MAPKAPK2: variants seen among roughly 807,000 people sequenced by gnomAD.
The protein encoded by MAPKAPK2 is MAPK activated protein kinase 2.
A neutral mutation model predicts 48.8 loss-of-function variants in MAPKAPK2; 9 were observed. The observed-to-expected ratio is 0.18, with a 90% CI of 0.11 to 0.32. The LOEUF is 0.32. MAPKAPK2 is among the 10% of genes least tolerant of loss of function. The probability of loss-of-function intolerance (pLI) is 1.00; values close to 1 mark genes in which losing one functional copy is unlikely to be tolerated. For missense variants in MAPKAPK2, 331 were observed against 498.3 expected (o/e 0.66, Z 3.20); for synonymous variants, 202 against 190.6 (o/e 1.06, Z -0.49).
At position 206,732,358 on chromosome 1, in the gene MAPKAPK2, C is replaced by A; in HGVS notation, c.1060-217C>A. 1 of 1,445,616 alleles carries A rather than the reference C, an allele frequency of 6.9e-7. No homozygotes were observed. Among genetic ancestry groups the A allele is most frequent in the East Asian group, 2.5e-5 (1 of 40,228 alleles). 89.5% of individuals were successfully genotyped at this position (1,445,616 alleles called of 1,614,324 possible). On this transcript the variant is annotated intron_variant, in intron 9 of 9. Coordinates refer to ENST00000367103, the MANE Select transcript of MAPKAPK2 (RefSeq NM_032960.4). This position sits in a 1 kb window ranked among gnomAD's most constrained non-coding sequence, Gnocchi z 4.4. The stretch of plus-strand genomic sequence containing the variant: ...TCACTGGGGGGCTCTCAGGGAACAG[C>A]AGCAGTGCCATAGCCAGGCTCTCTG...
chr1:206,727,705 C>T (rs1673746443), intron 1 of MAPKAPK2, among the ~76,000 whole-genome samples: 1 of 152,082 alleles, frequency 6.6e-6, no homozygotes, highest in Non-Finnish European at 1.5e-5. Flanking sequence ...GCTGCAAGCT[C>T]CACCTCTCAG....
chr1:206,728,781 C>T lies in MAPKAPK2; in HGVS notation c.351C>T (p.Ile117=), dbSNP rs140239057. 100 of 1,614,000 alleles carry T rather than the reference C, an allele frequency of 6.2e-5. 1 individual carries two copies. The highest frequency in any genetic ancestry group is 1.0e-4 in the Admixed American group (6 of 60,002). ...GGCGGGCCTCCCAGTGCCCGCACAT[C>T]GTACGGATCGTGGATGTGTACGAGA... ...LHWRASQCPH[I]VRIVDVYENL... Residue 117 remains isoleucine, a synonymous_variant, in exon 2 of 10, where the codon ATC becomes ATT. Transcript: ENST00000367103.
At chr1:206,700,923 G>A (rs1304761853) in intron 1 of MAPKAPK2, among the ~76,000 whole-genome samples, 1 of 152,210 alleles carries the variant, frequency 6.6e-6, no homozygotes, top group Non-Finnish European at 1.5e-5. Context: ...AGGATGGGAT[G>A]ACAGCTGCTG....
At chr1:206,696,075 A>C in intron 1 of MAPKAPK2, 3 of 1,092,466 alleles carry the variant, frequency 2.7e-6, no homozygotes, top group African/African-American at 1.5e-5. Flanking sequence ...GATTCATCTC[A>C]CCTGCCTTCA....
In MAPKAPK2 at chr1:206,729,346, A is replaced by G. The variant is rs781968774; in HGVS notation, c.485-50A>G. 2.0e-6 allele frequency: 3 copies of G among 1,475,846 alleles called. No individual in the cohort carries two copies. The African/African-American group carries it at 4.2e-5, about 21-fold the overall frequency. The allele number at this position is 1,475,846 out of a possible 1,614,324, so 91.4% of individuals were successfully genotyped here. On this transcript the variant is annotated intron_variant, in intron 3 of 9. Coordinates refer to ENST00000367103, the MANE Select transcript of MAPKAPK2 (RefSeq NM_032960.4). Reference sequence around the variant, plus strand: ...GTGCACTGGGTTTTCAAGCCTAATGATGTGTCTTTGTGACTTTCTTTCCCA... The same window carrying G: ...GTGCACTGGGTTTTCAAGCCTAATGGTGTGTCTTTGTGACTTTCTTTCCCA...
intron 1 of MAPKAPK2, among the ~76,000 whole-genome samples, chr1:206,722,132 G>A (rs560587906): frequency 2.6e-5 from 4 of 151,410 alleles, no homozygotes; most frequent in East Asian, 1.9e-4. Flanking sequence ...AGGCCGAGGC[G>A]GGCGGATCAC....
In MAPKAPK2 at chr1:206,685,316, G is replaced by T. The variant is rs781992901; in HGVS notation, c.87G>T (p.Pro29=). ...CGCAGCCCCCCACCCCTGCCCTGCCGCACCCCCCGGCGCAGCCGCCGCCGC... is the reference window on the plus strand; with the variant it reads ...CGCAGCCCCCCACCCCTGCCCTGCCTCACCCCCCGGCGCAGCCGCCGCCGC... ...PPPQPPTPAL[P]HPPAQPPPPP... is the part of the protein sequence containing the mutation. Residue 29 remains proline (P), a synonymous_variant, in exon 1 of 10, where the codon CCG becomes CCT. Transcript: ENST00000367103. 1.2e-5 allele frequency: 7 copies of T among 576,368 alleles called. No homozygotes were observed. The Admixed American group carries it at 1.3e-4, about 11-fold the overall frequency. The allele number at this position is 576,368 out of a possible 1,614,324, so 35.7% of individuals were successfully genotyped here.
At chr1:206,694,463 A>C (rs992956374) in intron 1 of MAPKAPK2, among the ~76,000 whole-genome samples, 1 of 152,100 alleles carries the variant, frequency 6.6e-6, no homozygotes, top group Non-Finnish European at 1.5e-5. Context: ...GTTTATTTTT[A>C]ACTCTGACAG....
intron 1 of MAPKAPK2, among the ~76,000 whole-genome samples, chr1:206,720,523 T>C (rs1673480889): frequency 6.6e-6 from 1 of 152,094 alleles, no homozygotes; most frequent in South Asian, 2.1e-4. Context: ...GCCTGGCTAA[T>C]TTTTTTGTAT....
At chr1:206,692,403 G>A (rs1672489968) in intron 1 of MAPKAPK2, among the ~76,000 whole-genome samples, 4 of 152,236 alleles carry the variant, frequency 2.6e-5, no homozygotes, top group Admixed American at 1.3e-4. Flanking sequence ...GAAGCAGGAG[G>A]AAAAGGGGTT....
Position 206,732,346 on chromosome 1 carries a change from C to T in MAPKAPK2, c.1060-229C>T, listed in dbSNP as rs1673944084. ...TATCCTGCGGGATCACTGGGGGGCT[C>T]TCAGGGAACAGCAGCAGTGCCATAG... On this transcript the variant is annotated intron_variant, in intron 9 of 9. Coordinates refer to ENST00000367103, the MANE Select transcript of MAPKAPK2 (RefSeq NM_032960.4). The surrounding 1 kb of genome is among the most constrained non-coding windows in gnomAD (Gnocchi z 4.4). The T allele has an allele frequency of 6.9e-7, 1 of 1,443,940 alleles. No homozygotes were observed. Among genetic ancestry groups the T allele is most frequent in the Non-Finnish European group, 9.1e-7 (1 of 1,102,084 alleles). The allele number at this position is 1,443,940 out of a possible 1,614,324, so 89.4% of individuals were successfully genotyped here.
intron 1 of MAPKAPK2, among the ~76,000 whole-genome samples, chr1:206,705,236 G>C (rs1462950524): frequency 6.6e-6 from 1 of 152,150 alleles, no homozygotes; most frequent in Non-Finnish European, 1.5e-5. Context: ...CGGTGGGTTG[G>C]GGGGAGGGGT....
intron 1 of MAPKAPK2, among the ~76,000 whole-genome samples, chr1:206,692,558 G>C (rs1553426452): frequency 6.6e-6 from 1 of 152,198 alleles, no homozygotes; most frequent in East Asian, 1.9e-4. Flanking sequence ...ACAGTAGAAG[G>C]AGACATAAAG....
rs181920520 is a variant in MAPKAPK2 at position 206,731,497 on chromosome 1, A to G, written c.893-143A>G. ...AGGGCCTCTCAAGTGGTACAGCCGT[A>G]ATGGTCCTTGGGGCCAGTTGCTCCG... On this transcript the variant is annotated intron_variant, in intron 7 of 9. Coordinates refer to ENST00000367103, the MANE Select transcript of MAPKAPK2 (RefSeq NM_032960.4). This position sits in a 1 kb window ranked among gnomAD's most constrained non-coding sequence, Gnocchi z 5.9. 42 of 1,073,946 alleles carry G rather than the reference A, an allele frequency of 3.9e-5. No homozygotes were observed. The African/African-American group carries it at 4.6e-4, about 12-fold the overall frequency. The allele number at this position is 1,073,946 out of a possible 1,614,324, so 66.5% of individuals were successfully genotyped here. A position where few individuals can be genotyped will look rare whatever the true frequency, so the allele number is the denominator to read the frequency against.
At chr1:206,703,979 G>T (rs532302171) in intron 1 of MAPKAPK2, among the ~76,000 whole-genome samples, 1 of 152,338 alleles carries the variant, frequency 6.6e-6, no homozygotes, top group South Asian at 2.1e-4. Context: ...CTGCTTCTGG[G>T]TTCAGCTGCC....
intron 1 of MAPKAPK2, among the ~76,000 whole-genome samples, chr1:206,714,538 G>A (rs529403763): frequency 6.6e-5 from 10 of 151,922 alleles, no homozygotes; most frequent in South Asian, 6.2e-4. Flanking sequence ...TGAGGCAGGC[G>A]GATCACCTGA....
chr1:206,706,113 C>CTTATTTATTTAT (rs10525931), intron 1 of MAPKAPK2, among the ~76,000 whole-genome samples: 188 of 145,882 alleles, frequency 1.3e-3, no homozygotes, highest in East Asian at 3.9e-3. Flanking sequence ...TTTCCTATCT[C>CTTATTTATTTAT]TTATTTATTT....
Position 206,730,054 on chromosome 1 carries a change from G to A in MAPKAPK2, c.647G>A (p.Ser216Asn). ...TDFGFAKETT[S>N]HNSLTTPCYT... is the part of the protein sequence containing the mutation. ...TTTGGCTTTGCCAAGGAAACCACCA[G>A]CCACAACTCTTTGACCACTCCTTGT... Residue 216 changes from serine (S) to asparagine (N), a missense_variant, in exon 5 of 10, where the codon AGC (serine) becomes AAC (asparagine). By Grantham distance (46) the Ser-to-Asn change is conservative. This residue lies in a region of MAPKAPK2 where 111 missense variants were observed against 193.6 expected (regional missense o/e 0.57). Transcript: ENST00000367103. The A allele has an allele frequency of 6.2e-7, 1 of 1,614,250 alleles. No individual in the cohort carries two copies. Among genetic ancestry groups the A allele is most frequent in the Non-Finnish European group, 8.5e-7 (1 of 1,180,044 alleles).
chr1:206,728,923 A>T (rs1015185455), intron 2 of MAPKAPK2, 74 bp downstream of exon 2: 1 of 1,611,502 alleles, frequency 6.2e-7, no homozygotes, highest in Non-Finnish European at 8.5e-7. Context: ...CTCTGAGGAC[A>T]GCCCAGGGAT....
Sources: allele counts gnomAD v4.1 joint callset (sites outside exome capture counted in the v4.1 genomes callset), GRCh38; gene constraint gnomAD v4.1.1; regional missense constraint gnomAD v4.1.1; non-coding constraint Gnocchi (gnomAD v3.1); transcripts MANE v1.5; gene names NCBI Gene and HGNC (gene_info 2026-07-23, HGNC 2026-07-21).